The following CCDC3 variants were observed in gnomAD, a reference collection of about 807,000 sequenced individuals.
CCDC3 encodes coiled-coil domain containing 3.
A neutral mutation model predicts 21.4 loss-of-function variants in CCDC3; 24 were observed. The observed-to-expected ratio is 1.12, with a 90% CI of 0.81 to 1.58. CCDC3 has a LOEUF of 1.58. CCDC3 is among the 40% of genes most tolerant of loss of function. The pLI, the probability that CCDC3 is intolerant of heterozygous loss-of-function variation, is 0.00. For missense variants in CCDC3, 425 were observed against 360.9 expected (o/e 1.18, Z -1.44); for synonymous variants, 186 against 166.0 (o/e 1.12, Z -0.93).
intron 5 of CCDC3, among the ~76,000 whole-genome samples, chr10:13,021,755 G>GT (rs111308056): frequency 6.0e-4 from 91 of 151,814 alleles, no homozygotes; most frequent in African/African-American, 2.1e-3. Context: ...TCTATTTTTT[G>GT]TTTTTTTGTT....
intron 5 of CCDC3, among the ~76,000 whole-genome samples, chr10:13,042,712 T>C (rs1397133660): frequency 1.3e-5 from 2 of 151,232 alleles, no homozygotes; most frequent in Admixed American, 1.3e-4. Context: ...ATCGAGACCA[T>C]CCTGGCTAAC....
At chr10:13,077,076 AT>A (rs1194063982) in intron 3 of CCDC3, among the ~76,000 whole-genome samples, 14 of 152,332 alleles carry the variant, frequency 9.2e-5, no homozygotes, top group Admixed American at 8.5e-4. Context: ...AATTGTCCCT[AT>A]TTGCACATGA....
chr10:12,906,708 A>G (rs772426502), intron 2 of CCDC3, among the ~76,000 whole-genome samples: 114 of 152,306 alleles, frequency 7.5e-4, no homozygotes, highest in Non-Finnish European at 1.5e-3. Context: ...CCTCATGTAT[A>G]CAATGGGCCT....
chr10:12,950,952 G>A (rs1487335240), intron 2 of CCDC3, among the ~76,000 whole-genome samples: 3 of 152,128 alleles, frequency 2.0e-5, no homozygotes, highest in Admixed American at 6.6e-5. Context: ...TCTGCAGTAG[G>A]GTGCGTCTGT....
intron 5 of CCDC3, among the ~76,000 whole-genome samples, chr10:13,044,080 G>A (rs1282283999): frequency 6.6e-6 from 1 of 152,116 alleles, no homozygotes; most frequent in African/African-American, 2.4e-5. Context: ...TCTCATTGTA[G>A]TTTTGATTTG....
chr10:13,022,702 T>A (rs1300586180), intron 5 of CCDC3, among the ~76,000 whole-genome samples: 1 of 152,192 alleles, frequency 6.6e-6, no homozygotes, highest in Non-Finnish European at 1.5e-5. Context: ...AACTGTTTTT[T>A]AAAAACTGAC....
intron 2 of CCDC3, among the ~76,000 whole-genome samples, chr10:12,960,038 C>T (rs1037063347): frequency 2.0e-5 from 3 of 152,138 alleles, no homozygotes; most frequent in African/African-American, 7.2e-5. Flanking sequence ...CCTGGAATCC[C>T]AGCTACTTGG....
intron 2 of CCDC3, among the ~76,000 whole-genome samples, chr10:12,988,447 A>C (rs1450786051): frequency 3.3e-5 from 5 of 152,066 alleles, no homozygotes; most frequent in Non-Finnish European, 7.4e-5. Flanking sequence ...CCAAGGTCTA[A>C]GCGATTCTGC....
intron 2 of CCDC3, among the ~76,000 whole-genome samples, chr10:12,959,657 G>A (rs1396082919): frequency 6.6e-6 from 1 of 152,084 alleles, no homozygotes; most frequent in Non-Finnish European, 1.5e-5. Flanking sequence ...GAGCTGGAAG[G>A]GGCCTTACAA....
chr10:13,040,153 C>G (rs1223773873), intron 5 of CCDC3, among the ~76,000 whole-genome samples: 1 of 152,098 alleles, frequency 6.6e-6, no homozygotes, highest in Non-Finnish European at 1.5e-5. Flanking sequence ...AGAGGGACGT[C>G]TCAGAAGCTG....
At chr10:13,030,376 A>G (rs1222422190) in intron 5 of CCDC3, among the ~76,000 whole-genome samples, 1 of 152,216 alleles carries the variant, frequency 6.6e-6, no homozygotes, top group Non-Finnish European at 1.5e-5. Context: ...GGTACCACCC[A>G]CTGCAAAAAC....
At chr10:13,081,079 C>G (rs144351971) in intron 3 of CCDC3, among the ~76,000 whole-genome samples, 75 of 151,932 alleles carry the variant, frequency 4.9e-4, no homozygotes, top group African/African-American at 1.6e-3. Flanking sequence ...AAATAAGAAG[C>G]CCCAAAGGGT....
intron 5 of CCDC3, among the ~76,000 whole-genome samples, chr10:13,023,995 T>C (rs528404): frequency 0.79 from 119,458 of 152,070 alleles, 48,280 homozygotes; most frequent in Non-Finnish European, 0.87. Flanking sequence ...TGAAATCCAG[T>C]AAGGTACATG....
At chr10:12,993,981 T>C (rs1835717856) in intron 2 of CCDC3, among the ~76,000 whole-genome samples, 1 of 151,772 alleles carries the variant, frequency 6.6e-6, no homozygotes, top group Non-Finnish European at 1.5e-5. Flanking sequence ...GACCCTAGAG[T>C]CCCAGATCCT....
At chr10:12,930,139 G>C (rs1834616579) in intron 2 of CCDC3, among the ~76,000 whole-genome samples, 1 of 152,150 alleles carries the variant, frequency 6.6e-6, no homozygotes, top group Non-Finnish European at 1.5e-5. Flanking sequence ...TCCAGCTCAT[G>C]GTCTAGGCAC....
intron 3 of CCDC3, among the ~76,000 whole-genome samples, chr10:13,092,898 A>G (rs559707070): frequency 6.6e-6 from 1 of 152,344 alleles, no homozygotes; most frequent in East Asian, 1.9e-4. Flanking sequence ...CTCTGCCCGC[A>G]AAGCCGAAAA....
At chr10:13,081,460 A>G (rs144788872) in intron 3 of CCDC3, among the ~76,000 whole-genome samples, 1 of 152,338 alleles carries the variant, frequency 6.6e-6, no homozygotes, top group East Asian at 1.9e-4. Flanking sequence ...TTCACACAGC[A>G]GAAAAGGATG....
At chr10:12,936,642 C>A (rs1834743170) in intron 2 of CCDC3, among the ~76,000 whole-genome samples, 1 of 152,214 alleles carries the variant, frequency 6.6e-6, no homozygotes, top group African/African-American at 2.4e-5. Context: ...CTCCTAAGGT[C>A]TCCTAAGACC....
chr10:12,906,444 G>A (rs1588998579), intron 2 of CCDC3, among the ~76,000 whole-genome samples: 1 of 152,200 alleles, frequency 6.6e-6, no homozygotes, highest in South Asian at 2.1e-4. Context: ...GCAGCACCCG[G>A]CCTAGCTGGG....
Sources: gnomAD v4.1 joint callset for allele counts (sites outside exome capture counted in the v4.1 genomes callset) on GRCh38, gnomAD v4.1.1 for gene constraint, MANE v1.5 for transcripts, NCBI Gene and HGNC (gene_info 2026-07-23, HGNC 2026-07-21) for gene names.